The following TMEM143 variants were observed in gnomAD, a reference collection of about 807,000 sequenced individuals.
TMEM143 encodes the protein transmembrane protein 143.
Under a neutral mutation model 40.3 loss-of-function variants are expected in TMEM143, and 45 were observed. That is an observed-to-expected ratio of 1.12 (90% CI 0.88 to 1.43). The LOEUF (loss-of-function observed/expected upper bound fraction) is 1.43. Ranked by LOEUF, TMEM143 falls within the 40% of genes most tolerant of loss-of-function variation. The probability of loss-of-function intolerance (pLI) is 0.00; values close to 1 mark genes in which losing one functional copy is unlikely to be tolerated. For missense variants in TMEM143, 620 were observed against 613.4 expected, an observed-to-expected ratio of 1.01 and a Z score of -0.11; for synonymous variants, 299 against 282.7, an observed-to-expected ratio of 1.06 and a Z score of -0.58.
At chr19:48,345,028 G>T in intron 4 of TMEM143, 132 bp downstream of exon 4, 1 of 974,912 alleles carries the variant, frequency 1.0e-6, no homozygotes, top group Non-Finnish European at 1.5e-6. Context: ...CCTTCTCTGA[G>T]TTCACCAAGT....
intron 2 of TMEM143, among the ~76,000 whole-genome samples, chr19:48,361,846 T>A (rs1970048077): frequency 6.6e-6 from 1 of 152,188 alleles, no homozygotes; most frequent in Non-Finnish European, 1.5e-5. Flanking sequence ...TTCTTTATGT[T>A]TCCTATGTCA....
chr19:48,357,876 G>C (rs535137458), intron 3 of TMEM143, among the ~76,000 whole-genome samples: 1 of 151,508 alleles, frequency 6.6e-6, no homozygotes, highest in Non-Finnish European at 1.5e-5. Flanking sequence ...AGCTAAGTAA[G>C]CTATGAGGGT....
intron 2 of TMEM143, among the ~76,000 whole-genome samples, chr19:48,361,875 T>C (rs1461040611): frequency 6.6e-6 from 1 of 152,208 alleles, no homozygotes; most frequent in Non-Finnish European, 1.5e-5. Context: ...GGTAATTGTC[T>C]TCACTTCTCT....
intron 3 of TMEM143, among the ~76,000 whole-genome samples, chr19:48,354,530 GC>G (rs1969844428): frequency 6.6e-6 from 1 of 152,120 alleles, no homozygotes; most frequent in African/African-American, 2.4e-5. Flanking sequence ...CTCTCAAAGT[GC>G]TGGAATAACA....
intron 6 of TMEM143, among the ~76,000 whole-genome samples, chr19:48,334,416 C>CTCTTTCTTTCTTTCTT (rs201875941): frequency 2.2e-4 from 24 of 108,266 alleles, no homozygotes; most frequent in Admixed American, 2.8e-4. Context: ...TTCTTTTTCT[C>CTCTTTCTTTCTTTCTT]TCTTTCTTTC....
intron 6 of TMEM143, among the ~76,000 whole-genome samples, chr19:48,338,086 T>G (rs1969411301): frequency 6.6e-6 from 1 of 152,118 alleles, no homozygotes; most frequent in African/African-American, 2.4e-5. Context: ...CCCTGGGGTC[T>G]ATGTCTTGGG....
chr19:48,353,016 T>C (rs1027132219), intron 3 of TMEM143, among the ~76,000 whole-genome samples: 3 of 152,082 alleles, frequency 2.0e-5, no homozygotes, highest in Non-Finnish European at 4.4e-5. Context: ...GTTCAGAGAA[T>C]AATGACAAGG....
At chr19:48,334,307 G>A (rs985469979) in intron 6 of TMEM143, 110 bp from the exon 7 acceptor site, 21 of 1,184,634 alleles carry the variant, frequency 1.8e-5, no homozygotes, top group Admixed American at 9.9e-5. Flanking sequence ...CTCCCCTGAG[G>A]AGGCGGGGAG....
At chr19:48,343,171 G>T in intron 5 of TMEM143, 150 bp downstream of exon 5, 1 of 1,030,944 alleles carries the variant, frequency 9.7e-7, no homozygotes, top group Non-Finnish European at 1.4e-6. Flanking sequence ...CCCTTGAGAA[G>T]AAAAGACAGC....
intron 3 of TMEM143, among the ~76,000 whole-genome samples, chr19:48,350,065 A>C (rs1182368514): frequency 1.4e-5 from 2 of 147,834 alleles, no homozygotes; most frequent in Non-Finnish European, 3.0e-5. Flanking sequence ...CAATGGCGCA[A>C]TCTTGACTCA....
chr19:48,333,254 G>T lies in TMEM143; in HGVS notation c.1345C>A (p.Pro449Thr), dbSNP rs556689759. The stretch of plus-strand genomic sequence containing the variant: ...TTACTGCTGGGCGTGGCTTGCGGGG[G>T]CTCGGAAGTGATCGGAGCCACTGGG... Reference protein sequence around the residue: ...LDPVAPITSEPPQATPSSNIS With the variant: ...LDPVAPITSETPQATPSSNIS Residue 449 changes from proline (P) to threonine (T), a missense_variant, in exon 8 of 8, where the codon CCC (proline) becomes ACC (threonine). Transcript: ENST00000293261. The surrounding 1 kb of genome is among the most constrained non-coding windows in gnomAD (Gnocchi z 4.1). The T allele has an allele frequency of 7.7e-5, 116 of 1,513,060 alleles. 1 individual carries two copies. In the South Asian group the frequency reaches 1.2e-3, roughly 16 times the overall value. The allele number at this position is 1,513,060 out of a possible 1,614,324, so 93.7% of individuals were successfully genotyped here.
chr19:48,360,082 G>A lies in TMEM143; in HGVS notation c.359C>T (p.Ala120Val). 6.2e-7 allele frequency: 1 copy of A among 1,614,060 alleles called. No homozygotes were observed. The highest frequency in any genetic ancestry group is 8.5e-7 in the Non-Finnish European group (1 of 1,180,000). Residue 120 changes from alanine to valine, a missense_variant, in exon 3 of 8, where the codon GCC (alanine) becomes GTC (valine). By Grantham distance (64) the Ala-to-Val change is moderately conservative. Transcript: ENST00000293261. ...GGGCCCCGTCCTCACCTGCAGCCGG[G>A]CCAGGATTTGGTGGTAGTGGAACAG... is the stretch of plus-strand genomic sequence containing the variant. Reference protein sequence around the residue: ...CTLFHYHQILARLQALYDPIN... With the variant: ...CTLFHYHQILVRLQALYDPIN...
rs1472065299 is a variant in TMEM143 at position 48,334,105 on chromosome 19, G to A, written c.1068C>T (p.Ala356=). ...STSNNSELLS[A]LALRAQDEHT... ...GCTCGTCCTGCGCGCGCAGGGCCAG[G>A]GCGCTGAGCAGCTCCGAGTTGTTGG... is the stretch of plus-strand genomic sequence containing the variant. The change falls in exon 7 of 8, where the codon GCC becomes GCT. Residue 356 remains alanine (A), a synonymous_variant. Coordinates refer to ENST00000293261, the MANE Select transcript of TMEM143 (RefSeq NM_018273.4). The A allele has an allele frequency of 6.3e-7, 1 of 1,599,722 alleles. No individual in the cohort carries two copies. The highest frequency in any genetic ancestry group is 1.1e-5 in the South Asian group (1 of 89,034).
intron 3 of TMEM143, among the ~76,000 whole-genome samples, chr19:48,347,579 C>CA (rs1177054182): frequency 3.1e-5 from 4 of 130,966 alleles, no homozygotes; most frequent in African/African-American, 1.2e-4. Flanking sequence ...TTTTTTGAGA[C>CA]AGAGTCTCGC....
At chr19:48,340,535 G>T (rs1969465819) in intron 6 of TMEM143, among the ~76,000 whole-genome samples, 1 of 152,094 alleles carries the variant, frequency 6.6e-6, no homozygotes, top group African/African-American at 2.4e-5. Context: ...GAGTAGCTAG[G>T]ACTACAGGCA....
intron 3 of TMEM143, among the ~76,000 whole-genome samples, chr19:48,349,896 G>T (rs1263664744): frequency 6.6e-6 from 1 of 152,034 alleles, no homozygotes; most frequent in Non-Finnish European, 1.5e-5. Context: ...ACTGGCCATA[G>T]GTGGCTACTG....
At chr19:48,352,120 G>A (rs997100661) in intron 3 of TMEM143, among the ~76,000 whole-genome samples, 22 of 151,326 alleles carry the variant, frequency 1.5e-4, no homozygotes, top group African/African-American at 4.8e-4. Context: ...GGTGGTGGGC[G>A]CCTGTAGTCC....
rs1351411878 is a variant in TMEM143, at chr19:48,342,579, G to A, written c.926C>T (p.Ser309Phe). The stretch of plus-strand genomic sequence containing the variant: ...GATGGCGAAGAGCAGCAGCAGCAGG[G>A]AGGTGGCCACCTTGAGGTCGGTTAG... ...VVLTDLKVATSLLLLLFAIFM... is the reference protein window; with the variant it reads ...VVLTDLKVATFLLLLLFAIFM... The change falls in exon 6 of 8, where the codon TCC becomes TTC. Residue 309 changes from serine (S) to phenylalanine (F), a missense_variant. By Grantham distance (155) the Ser-to-Phe change is radical (BLOSUM62 -2). Transcript: ENST00000293261. 6.2e-7 allele frequency: 1 copy of A among 1,613,102 alleles called. No individual in the cohort carries two copies.
chr19:48,347,995 C>T (rs1020881970), intron 3 of TMEM143, among the ~76,000 whole-genome samples: 4 of 145,060 alleles, frequency 2.8e-5, no homozygotes, highest in Middle Eastern at 3.6e-3. Flanking sequence ...CACTCCACTC[C>T]AGCCTGGGTG....
Sources: allele counts gnomAD v4.1 joint callset (sites outside exome capture counted in the v4.1 genomes callset), GRCh38; gene constraint gnomAD v4.1.1; non-coding constraint Gnocchi (gnomAD v3.1); transcripts MANE v1.5; gene names NCBI Gene and HGNC (gene_info 2026-07-23, HGNC 2026-07-21).